The following APP variants were observed in gnomAD, a reference collection of about 807,000 sequenced individuals.
The protein encoded by APP is amyloid beta precursor protein, also known as amyloid-beta precursor protein.
A neutral mutation model predicts 101.4 loss-of-function variants in APP; 31 were observed. The ratio of observed to expected loss-of-function variants is 0.31; its 90% confidence interval spans 0.23 to 0.41. APP has a LOEUF of 0.41. APP is among the 10% of genes least tolerant of loss of function. The pLI is 1.00. For synonymous variants in APP, 366 were observed against 364.4 expected (o/e 1.00, Z -0.05); for missense variants, 839 against 1,003.7 (o/e 0.84, Z 2.22).
At chr21:25,955,557 T>C (rs564639912) in intron 12 of APP, 70 bp downstream of exon 12, 1 of 1,610,948 alleles carries the variant, frequency 6.2e-7, no homozygotes, top group East Asian at 2.2e-5. Flanking sequence ...CGTGGGATCC[T>C]GTCACCAACC....
At chr21:26,134,154 T>A (rs1417188241) in intron 1 of APP, among the ~76,000 whole-genome samples, 1 of 152,182 alleles carries the variant, frequency 6.6e-6, no homozygotes, top group East Asian at 1.9e-4. Flanking sequence ...CCCAGCTATA[T>A]TTGTAGAGAT....
chr21:26,089,135 C>T lies in APP; in HGVS notation c.355+808G>A, dbSNP rs148898852. ...AATCTCCACAGACAATCTCTATATC[C>T]TTATTTACAACCTGCCTACTGATGA... On this transcript the variant is annotated intron_variant, in intron 3 of 17. Coordinates refer to ENST00000346798, the MANE Select transcript of APP (RefSeq NM_000484.4). 6.3e-4 allele frequency among the ~76,000 whole-genome samples: 96 copies of T among 152,274 alleles called. 1 individual carries two copies. The highest frequency in any genetic ancestry group is 2.2e-3 in the African/African-American group (93 of 41,566).
At chr21:25,900,366 C>G (rs1248542991) in intron 15 of APP, among the ~76,000 whole-genome samples, 3 of 102,208 alleles carry the variant, frequency 2.9e-5, no homozygotes, top group African/African-American at 3.9e-5. Flanking sequence ...AACCCTGTCT[C>G]TACTAAAAAT....
chr21:25,982,591 T>A, intron 8 of APP, 114 bp from the exon 9 acceptor site: 1 of 1,028,832 alleles, frequency 9.7e-7, no homozygotes, highest in Non-Finnish European at 1.5e-6. Flanking sequence ...GAGAATTTAG[T>A]AAAGCAGCGC....
chr21:25,974,514 G>A (rs1171958465), intron 11 of APP, among the ~76,000 whole-genome samples: 2 of 152,058 alleles, frequency 1.3e-5, no homozygotes, highest in Middle Eastern at 3.2e-3. Flanking sequence ...TGAGGATACA[G>A]CAAAATACAA....
At chr21:26,021,256 C>T (rs2044324996) in intron 6 of APP, among the ~76,000 whole-genome samples, 1 of 152,128 alleles carries the variant, frequency 6.6e-6, no homozygotes, top group South Asian at 2.1e-4. Flanking sequence ...CCATGTTGGC[C>T]AGACTGGTCT....
intron 3 of APP, among the ~76,000 whole-genome samples, chr21:26,073,498 G>A (rs1387929417): frequency 6.6e-6 from 1 of 152,086 alleles, no homozygotes; most frequent in African/African-American, 2.4e-5. Context: ...GACTGTGGAG[G>A]GAACTGGAGG....
chr21:26,152,245 A>G, intron 1 of APP, among the ~76,000 whole-genome samples: 1 of 133,592 alleles, frequency 7.5e-6, no homozygotes, highest in Non-Finnish European at 1.5e-5. Context: ...AGATCGCGCC[A>G]CTGCACTCCA....
At chr21:25,916,001 T>C (rs550844006) in intron 13 of APP, among the ~76,000 whole-genome samples, 46 of 151,358 alleles carry the variant, frequency 3.0e-4, no homozygotes, top group African/African-American at 1.1e-3. Flanking sequence ...TTGTTCAAAA[T>C]AGGAAGAAAT....
intron 14 of APP, among the ~76,000 whole-genome samples, chr21:25,910,213 C>T (rs1386473514): frequency 2.8e-5 from 4 of 144,800 alleles, no homozygotes; most frequent in African/African-American, 7.7e-5. Context: ...TGGCCACGTC[C>T]GCCTCCCGGG....
rs532399598 is a variant in APP at position 25,881,262 on chromosome 21, TC to T, written c.*407del. The stretch of plus-strand genomic sequence containing the variant: ...AAGAGAAGCAGCTGAACTCCCACGT[TC>T]ACATGAAGCATCCCCCATCGATTCT... On this transcript the variant is annotated 3_prime_UTR_variant, in exon 18 of 18. Coordinates refer to ENST00000346798, the MANE Select transcript of APP (RefSeq NM_000484.4). 8.1e-5 allele frequency: 21 copies of T among 258,876 alleles called. No individual in the cohort carries two copies. The South Asian group carries it at 9.5e-4, about 12-fold the overall frequency. The allele number at this position is 258,876 out of a possible 1,614,324, so 16.0% of individuals were successfully genotyped here. A position where few individuals can be genotyped will look rare whatever the true frequency, so the allele number is the denominator to read the frequency against.
chr21:25,904,984 C>T, intron 15 of APP, 40 bp downstream of exon 15: 1 of 1,590,276 alleles, frequency 6.3e-7, no homozygotes, highest in Non-Finnish European at 8.6e-7. Context: ...CGAGCTTAGG[C>T]CCAAGATGCG....
intron 5 of APP, among the ~76,000 whole-genome samples, chr21:26,028,997 A>G (rs2044703455): frequency 6.6e-6 from 1 of 152,144 alleles, no homozygotes; most frequent in Admixed American, 6.5e-5. Flanking sequence ...GAAGTCGGGC[A>G]CGGCAAAACC....
intron 1 of APP, among the ~76,000 whole-genome samples, chr21:26,144,933 A>G (rs1483113334): frequency 6.6e-6 from 1 of 152,230 alleles, no homozygotes; most frequent in Non-Finnish European, 1.5e-5. Context: ...TATAAGAATC[A>G]GTTACCCATG....
intron 3 of APP, among the ~76,000 whole-genome samples, chr21:26,081,234 A>G (rs1488427174): frequency 6.6e-6 from 1 of 152,132 alleles, no homozygotes; most frequent in Non-Finnish European, 1.5e-5. Flanking sequence ...TCTTCTTCTC[A>G]TTCTTCCCCA....
intron 3 of APP, among the ~76,000 whole-genome samples, chr21:26,065,328 A>G (rs1056826495): frequency 8.5e-5 from 13 of 152,168 alleles, no homozygotes; most frequent in African/African-American, 3.1e-4. Flanking sequence ...CTATAAAATT[A>G]TTGTAGTTGA....
intron 1 of APP, among the ~76,000 whole-genome samples, chr21:26,128,596 T>C (rs919301700): frequency 2.6e-5 from 4 of 152,170 alleles, no homozygotes; most frequent in African/African-American, 9.7e-5. Context: ...TCATTTCATA[T>C]CTAATTCAGT....
intron 5 of APP, among the ~76,000 whole-genome samples, chr21:26,040,933 G>C (rs1427386655): frequency 6.6e-6 from 1 of 152,092 alleles, no homozygotes; most frequent in Non-Finnish European, 1.5e-5. Flanking sequence ...GAAACACTGG[G>C]GATACTGCAA....
At chr21:26,021,482 G>A (rs45508692) in intron 6 of APP, among the ~76,000 whole-genome samples, 1 of 152,042 alleles carries the variant, frequency 6.6e-6, no homozygotes, top group Non-Finnish European at 1.5e-5. Flanking sequence ...CGTCTAGGTG[G>A]TAACAGACAA....
Sources: allele counts gnomAD v4.1 joint callset (sites outside exome capture counted in the v4.1 genomes callset), GRCh38; gene constraint gnomAD v4.1.1; transcripts MANE v1.5; gene names NCBI Gene and HGNC (gene_info 2026-07-23, HGNC 2026-07-21).